Variants in SPOCK1 observed in about 807,000 individuals in gnomAD.
The protein encoded by SPOCK1 is testican-1.
In SPOCK1, 23 loss-of-function variants were observed where a neutral mutation model predicts 55.3. That is an observed-to-expected ratio of 0.42 (90% confidence interval 0.30 to 0.59). SPOCK1 has a LOEUF of 0.59. Among genes scored for constraint, SPOCK1 ranks in the 20% least tolerant of loss-of-function variants. SPOCK1 has a pLI of 0.22. For synonymous variants in SPOCK1, 226 were observed against 221.0 expected, an observed-to-expected ratio of 1.02 and a Z score of -0.20; for missense variants, 499 against 552.5, an observed-to-expected ratio of 0.90 and a Z score of 0.97.
At chr5:137,449,613 G>A (rs1753207149) in intron 2 of SPOCK1, among the ~76,000 whole-genome samples, 1 of 152,116 alleles carries the variant, frequency 6.6e-6, no homozygotes, top group Non-Finnish European at 1.5e-5. Context: ...AAGGAGCCTG[G>A]CACAGTGGCT....
chr5:137,375,417 G>T (rs1751291506), intron 2 of SPOCK1, among the ~76,000 whole-genome samples: 3 of 152,214 alleles, frequency 2.0e-5, no homozygotes, highest in Admixed American at 2.0e-4. Flanking sequence ...TTACCCTTGG[G>T]AAGGGAGCAC....
intron 6 of SPOCK1, among the ~76,000 whole-genome samples, chr5:137,057,303 T>A (rs1365000737): frequency 2.0e-5 from 3 of 152,166 alleles, no homozygotes; most frequent in African/African-American, 7.2e-5. Flanking sequence ...CACATCTCAG[T>A]TCCCTCTTTT....
intron 2 of SPOCK1, among the ~76,000 whole-genome samples, chr5:137,401,069 T>A (rs1751966132): frequency 6.6e-6 from 1 of 151,054 alleles, no homozygotes; most frequent in Admixed American, 6.6e-5. Flanking sequence ...CTATCAAGCA[T>A]CCTTGTACCA....
At chr5:137,474,373 G>A (rs1231750192) in intron 2 of SPOCK1, among the ~76,000 whole-genome samples, 1 of 152,138 alleles carries the variant, frequency 6.6e-6, no homozygotes, top group Non-Finnish European at 1.5e-5. Flanking sequence ...GTTTCTCACT[G>A]TGCGAAAAAT....
chr5:137,493,743 G>A (rs188621050), intron 2 of SPOCK1, among the ~76,000 whole-genome samples: 27 of 152,238 alleles, frequency 1.8e-4, no homozygotes, highest in South Asian at 1.5e-3. Flanking sequence ...TGCTACTCTC[G>A]ATTACGGGCT....
rs551276651 is a variant in SPOCK1 at position 137,354,139 on chromosome 5, G to A, written c.187-87084C>T. On this transcript the variant is annotated intron_variant, in intron 2 of 10. Transcript: ENST00000394945. Reference sequence around the variant, plus strand: ...CTACCGCTATCCCCACACTCATCCCGAAAGGTGTTTCTTAATCCACTGCTG... The same window carrying A: ...CTACCGCTATCCCCACACTCATCCCAAAAGGTGTTTCTTAATCCACTGCTG... Among the ~76,000 whole-genome samples, 20 of 152,178 alleles carry A rather than the reference G, an allele frequency of 1.3e-4. No individual in the cohort carries two copies. In the South Asian group the frequency reaches 3.9e-3, roughly 30 times the overall value.
chr5:137,098,047 T>C (rs1023411229), intron 5 of SPOCK1, among the ~76,000 whole-genome samples: 3 of 152,204 alleles, frequency 2.0e-5, no homozygotes, highest in African/African-American at 7.2e-5. Context: ...TCAGACTTCC[T>C]TGGGGAGGGG....
intron 4 of SPOCK1, among the ~76,000 whole-genome samples, chr5:137,138,704 C>A (rs983699058): frequency 2.1e-3 from 27 of 12,800 alleles, no homozygotes; most frequent in South Asian, 4.5e-3. Context: ...AATAATAACC[C>A]CCCCCCCCCA....
chr5:137,072,807 G>A (rs1451873025), intron 5 of SPOCK1, among the ~76,000 whole-genome samples: 1 of 152,168 alleles, frequency 6.6e-6, no homozygotes, highest in Non-Finnish European at 1.5e-5. Context: ...CATTTTTTAA[G>A]CCAGACTGTT....
At chr5:137,003,949 G>T (rs1465140724) in intron 6 of SPOCK1, among the ~76,000 whole-genome samples, 2 of 152,140 alleles carry the variant, frequency 1.3e-5, no homozygotes, top group African/African-American at 4.8e-5. Context: ...ATTACATGGG[G>T]AGGATCAGGC....
intron 6 of SPOCK1, among the ~76,000 whole-genome samples, chr5:136,999,262 T>A (rs1164407901): frequency 6.6e-6 from 1 of 152,004 alleles, no homozygotes; most frequent in Non-Finnish European, 1.5e-5. Context: ...AGCTCTAAGT[T>A]ATTAGTATTT....
At chr5:137,410,614 C>T (rs1415471378) in intron 2 of SPOCK1, among the ~76,000 whole-genome samples, 1 of 152,212 alleles carries the variant, frequency 6.6e-6, no homozygotes, top group Non-Finnish European at 1.5e-5. Flanking sequence ...ATAAAGTCAA[C>T]AAGTATTAAA....
chr5:137,281,543 G>A (rs1177281592), intron 2 of SPOCK1, among the ~76,000 whole-genome samples: 1 of 152,198 alleles, frequency 6.6e-6, no homozygotes, highest in Non-Finnish European at 1.5e-5. Context: ...AATAAGCAAG[G>A]AGTGACCCTC....
intron 2 of SPOCK1, among the ~76,000 whole-genome samples, chr5:137,418,408 T>C (rs1023991544): frequency 6.6e-5 from 10 of 152,336 alleles, no homozygotes; most frequent in Middle Eastern, 3.4e-3. Context: ...TGAACTAGTT[T>C]ACAGTCCCAC....
intron 5 of SPOCK1, among the ~76,000 whole-genome samples, chr5:137,100,042 G>A (rs1332504720): frequency 1.3e-5 from 2 of 152,138 alleles, no homozygotes; most frequent in African/African-American, 4.8e-5. Flanking sequence ...GTATCAGAGA[G>A]TTTTCAGGGA....
intron 3 of SPOCK1, among the ~76,000 whole-genome samples, chr5:137,248,832 T>G (rs1374039729): frequency 6.6e-6 from 1 of 152,210 alleles, no homozygotes; most frequent in Non-Finnish European, 1.5e-5. Flanking sequence ...CCCTTAGGCT[T>G]TGAGGAACAT....
At chr5:137,395,476 C>T (rs1308313073) in intron 2 of SPOCK1, among the ~76,000 whole-genome samples, 1 of 152,190 alleles carries the variant, frequency 6.6e-6, no homozygotes, top group East Asian at 1.9e-4. Context: ...AAGTGGTAAA[C>T]AGGAGGACAT....
At chr5:137,004,053 G>A (rs2126970302) in intron 6 of SPOCK1, among the ~76,000 whole-genome samples, 1 of 152,234 alleles carries the variant, frequency 6.6e-6, no homozygotes, top group South Asian at 2.1e-4. Context: ...GGTGCCATGG[G>A]GATATGGGTT....
intron 3 of SPOCK1, among the ~76,000 whole-genome samples, chr5:137,264,103 A>G (rs1756800947): frequency 6.6e-6 from 1 of 152,174 alleles, no homozygotes; most frequent in Non-Finnish European, 1.5e-5. Context: ...TCAGAGGTCA[A>G]GCTGGAGAGC....
Sources: allele counts gnomAD v4.1 joint callset (sites outside exome capture counted in the v4.1 genomes callset), GRCh38; gene constraint gnomAD v4.1.1; transcripts MANE v1.5; gene names NCBI Gene and HGNC (gene_info 2026-07-23, HGNC 2026-07-21).